SND1: variants seen among roughly 807,000 people sequenced by gnomAD.
The protein encoded by SND1 is staphylococcal nuclease and tudor domain containing 1.
In SND1, 38 loss-of-function variants were observed where a neutral mutation model predicts 121.7. The observed-to-expected ratio is 0.31, with a 90% confidence interval of 0.24 to 0.41. The LOEUF is 0.41. Among genes scored for constraint, SND1 ranks in the 10% least tolerant of loss-of-function variants. The pLI, the probability that SND1 is intolerant of heterozygous loss-of-function variation, is 1.00. For missense variants in SND1, 868 were observed against 1,184.6 expected (o/e 0.73, Z 3.92); for synonymous variants, 401 against 447.4 (o/e 0.90, Z 1.31).
intron 13 of SND1, among the ~76,000 whole-genome samples, chr7:127,892,054 A>G (rs945218472): frequency 6.6e-6 from 1 of 152,090 alleles, no homozygotes; most frequent in African/African-American, 2.4e-5. Context: ...TGCTGGTGAT[A>G]TCGGCAGTGG....
chr7:127,967,163 G>T (rs1018431053), intron 15 of SND1, among the ~76,000 whole-genome samples: 3 of 152,128 alleles, frequency 2.0e-5, no homozygotes, highest in African/African-American at 4.8e-5. Flanking sequence ...AGATCTGTTG[G>T]TTGGTTGGTG....
At chr7:127,824,637 C>G (rs1288397817) in intron 11 of SND1, among the ~76,000 whole-genome samples, 1 of 151,940 alleles carries the variant, frequency 6.6e-6, no homozygotes, top group Non-Finnish European at 1.5e-5. Context: ...GTAGCAGTCC[C>G]AGTGCTAAAA....
intron 16 of SND1, among the ~76,000 whole-genome samples, chr7:128,055,417 G>A (rs1333483182): frequency 1.3e-5 from 2 of 152,140 alleles, no homozygotes; most frequent in Non-Finnish European, 2.9e-5. Flanking sequence ...GGCAGCAGGG[G>A]AGGAAGGAAA....
chr7:128,074,366 G>A (rs178734), intron 16 of SND1, 136 bp from the exon 17 acceptor site: 289,037 of 790,952 alleles, frequency 0.37, 55,075 homozygotes, highest in African/African-American at 0.49. Context: ...GAAGGGTTCT[G>A]GGGGTTCCCA....
At chr7:128,088,691 C>G (rs1026584923) in intron 21 of SND1, among the ~76,000 whole-genome samples, 29 of 151,548 alleles carry the variant, frequency 1.9e-4, no homozygotes, top group Non-Finnish European at 3.7e-4. Flanking sequence ...GACCTCAGGT[C>G]ACCCACCCAC....
intron 10 of SND1, among the ~76,000 whole-genome samples, chr7:127,743,860 C>G (rs149059664): frequency 1.3e-5 from 2 of 152,294 alleles, no homozygotes; most frequent in Non-Finnish European, 2.9e-5. Context: ...CCAAGGCAAT[C>G]ATGGCTATGG....
At position 127,707,596 on chromosome 7, in the gene SND1, T is replaced by C; in HGVS notation, c.987T>C (p.Tyr329=). ...KERRLRIWRD[Y]VAPTANLDQK... is the part of the protein sequence containing the mutation. ...GCAGGCTGAGAATATGGAGAGACTA[T>C]GTGGCTCCCACAGCTAATTTGGACC... The change falls in exon 9 of 24, where the codon TAT becomes TAC. Residue 329 remains tyrosine (Y), a synonymous_variant. Transcript: ENST00000354725. The C allele has an allele frequency of 6.2e-7, 1 of 1,614,180 alleles. No individual in the cohort carries two copies. The highest frequency in any genetic ancestry group is 8.5e-7 in the Non-Finnish European group (1 of 1,179,978).
intron 14 of SND1, among the ~76,000 whole-genome samples, chr7:127,924,742 G>A (rs942786258): frequency 1.2e-4 from 18 of 152,068 alleles, no homozygotes; most frequent in African/African-American, 4.1e-4. Context: ...TCCCAAGCCT[G>A]GGAATTCATC....
At chr7:127,796,778 C>G (rs1472550532) in intron 10 of SND1, among the ~76,000 whole-genome samples, 2 of 151,918 alleles carry the variant, frequency 1.3e-5, no homozygotes, top group African/African-American at 4.8e-5. Flanking sequence ...CTTAGACTTG[C>G]CTTAATTCGT....
chr7:127,947,910 C>A (rs748329592), intron 15 of SND1, among the ~76,000 whole-genome samples: 4 of 152,086 alleles, frequency 2.6e-5, no homozygotes, highest in Non-Finnish European at 4.4e-5. Context: ...AAGCATTGTG[C>A]CAATAATGAC....
intron 1 of SND1, among the ~76,000 whole-genome samples, chr7:127,679,510 A>G (rs1166058683): frequency 2.0e-5 from 3 of 152,186 alleles, no homozygotes; most frequent in Non-Finnish European, 4.4e-5. Context: ...GCTTTTTACT[A>G]CAATCATGTA....
chr7:127,756,362 A>T (rs1797194369), intron 10 of SND1, among the ~76,000 whole-genome samples: 1 of 152,232 alleles, frequency 6.6e-6, no homozygotes, highest in African/African-American at 2.4e-5. Context: ...TATGAAAGGA[A>T]TTTATCATCT....
chr7:127,964,597 C>A (rs1164767950), intron 15 of SND1, among the ~76,000 whole-genome samples: 1 of 152,086 alleles, frequency 6.6e-6, no homozygotes, highest in Non-Finnish European at 1.5e-5. Context: ...GGGCCCTGTT[C>A]TGTTCCATTG....
chr7:127,797,457 C>G (rs1209725772), intron 10 of SND1, among the ~76,000 whole-genome samples: 5 of 152,356 alleles, frequency 3.3e-5, no homozygotes, highest in East Asian at 1.9e-4. Context: ...TTCATTATCC[C>G]AGGCTTACTG....
At chr7:127,847,837 C>T (rs922412356) in intron 12 of SND1, among the ~76,000 whole-genome samples, 3 of 152,186 alleles carry the variant, frequency 2.0e-5, no homozygotes, top group Non-Finnish European at 4.4e-5. Context: ...GGAGGCAGGA[C>T]TCAATTCTGT....
At chr7:127,663,499 G>T (rs1022056973) in intron 1 of SND1, among the ~76,000 whole-genome samples, 1 of 151,894 alleles carries the variant, frequency 6.6e-6, no homozygotes, top group African/African-American at 2.4e-5. Context: ...AGCCTCCCAA[G>T]TAGCTGGGAC....
At chr7:127,728,305 C>T (rs1379571324) in intron 10 of SND1, among the ~76,000 whole-genome samples, 1 of 152,046 alleles carries the variant, frequency 6.6e-6, no homozygotes, top group Non-Finnish European at 1.5e-5. Context: ...TCTATCAATC[C>T]ATATCTCTCT....
At chr7:127,882,097 A>G (rs952974006) in intron 12 of SND1, among the ~76,000 whole-genome samples, 19 of 151,928 alleles carry the variant, frequency 1.3e-4, no homozygotes, top group South Asian at 1.0e-3. Flanking sequence ...TACAGTAAAA[A>G]TTCAAAAATG....
In SND1 at chr7:128,085,749, A is replaced by C; in HGVS notation, c.2273A>C (p.Lys758Thr). The part of the protein sequence containing the change: ...ARVEKVESPA[K>T]IHVFYIDYGN... ...GTAGAGAAAGTCGAGTCTCCTGCCA[A>C]AATACATGTCTTCTACATTGACTAC... The change falls in exon 20 of 24, where the codon AAA (lysine) becomes ACA (threonine). Residue 758 changes from lysine (K) to threonine (T), a missense_variant. Lys to Thr is a moderately conservative substitution (Grantham distance 78). This residue lies in a region of SND1 where 743 missense variants were observed against 1,071.3 expected (regional missense o/e 0.69). Coordinates refer to ENST00000354725, the MANE Select transcript of SND1 (RefSeq NM_014390.4). The surrounding 1 kb of genome is among the most constrained non-coding windows in gnomAD (Gnocchi z 4.4). 1 of 1,614,148 alleles carries C rather than the reference A, an allele frequency of 6.2e-7. No homozygotes were observed. Among genetic ancestry groups the C allele is most frequent in the South Asian group, 1.1e-5 (1 of 91,084 alleles).
Sources: gnomAD v4.1 joint callset for allele counts (sites outside exome capture counted in the v4.1 genomes callset) on GRCh38, gnomAD v4.1.1 for gene constraint, gnomAD v4.1.1 regional missense constraint, Gnocchi (gnomAD v3.1) non-coding constraint, MANE v1.5 for transcripts, NCBI Gene and HGNC (gene_info 2026-07-23, HGNC 2026-07-21) for gene names.